Variants in FOXN3 observed in about 807,000 individuals in gnomAD.
FOXN3 encodes forkhead box N3.
A neutral mutation model predicts 38.4 loss-of-function variants in FOXN3; 7 were observed. The ratio of observed to expected loss-of-function variants is 0.18; its 90% CI spans 0.10 to 0.34. FOXN3 has a LOEUF of 0.34. FOXN3 is among the 10% of genes least tolerant of loss of function. The pLI is 1.00. For missense variants in FOXN3, 456 were observed against 613.4 expected (o/e 0.74, Z 2.71); for synonymous variants, 230 against 242.2 (o/e 0.95, Z 0.47).
intron 4 of FOXN3, among the ~76,000 whole-genome samples, chr14:89,192,765 ATAT>A (rs1487699472): frequency 6.8e-5 from 10 of 146,792 alleles, no homozygotes; most frequent in Non-Finnish European, 1.2e-4. Flanking sequence ...AATAGTTTAT[ATAT>A]TATTAGTTGA....
chr14:89,325,317 CACCACCACCACCACCA>C (rs1888037370), intron 3 of FOXN3, among the ~76,000 whole-genome samples: 1 of 66,332 alleles, frequency 1.5e-5, no homozygotes, highest in African/African-American at 6.2e-5. Context: ...CCACCACGAC[CACCACCACCACCACCA>C]CCACCACCAC....
chr14:89,269,176 G>T (rs766701397), intron 4 of FOXN3, among the ~76,000 whole-genome samples: 1 of 152,178 alleles, frequency 6.6e-6, no homozygotes, highest in Non-Finnish European at 1.5e-5. Context: ...CTGCAACTGT[G>T]TCAAATTAGC....
At chr14:89,597,729 C>T (rs1469341100) in intron 1 of FOXN3, among the ~76,000 whole-genome samples, 4 of 152,068 alleles carry the variant, frequency 2.6e-5, no homozygotes, top group South Asian at 2.1e-4. Flanking sequence ...TACAGTTATG[C>T]GATCTTTCTT....
At chr14:89,374,569 T>C (rs774959172) in intron 2 of FOXN3, among the ~76,000 whole-genome samples, 3 of 152,168 alleles carry the variant, frequency 2.0e-5, no homozygotes, top group Non-Finnish European at 2.9e-5. Flanking sequence ...GGTATGTTCA[T>C]AAAATGGAAT....
At chr14:89,467,465 T>C (rs566630668) in intron 1 of FOXN3, among the ~76,000 whole-genome samples, 1 of 151,580 alleles carries the variant, frequency 6.6e-6, no homozygotes, top group South Asian at 2.1e-4. Context: ...TGCCGAAAAA[T>C]TAAAAGAAAA....
intron 1 of FOXN3, among the ~76,000 whole-genome samples, chr14:89,589,658 T>C (rs1159155959): frequency 1.5e-5 from 2 of 136,648 alleles, no homozygotes; most frequent in African/African-American, 5.5e-5. Flanking sequence ...AGTTGGATGC[T>C]TTCTACCCTG....
At chr14:89,496,801 C>CA (rs1336178263) in intron 1 of FOXN3, among the ~76,000 whole-genome samples, 1 of 152,190 alleles carries the variant, frequency 6.6e-6, no homozygotes, top group East Asian at 1.9e-4. Context: ...CCCCCGACCC[C>CA]AGCCCTTGGT....
chr14:89,285,659 A>G (rs373661345), intron 3 of FOXN3, among the ~76,000 whole-genome samples: 4 of 152,192 alleles, frequency 2.6e-5, no homozygotes, highest in African/African-American at 9.6e-5. Flanking sequence ...GAGTAGACAA[A>G]TTCACAGAGA....
intron 1 of FOXN3, among the ~76,000 whole-genome samples, chr14:89,496,361 A>C (rs1297047013): frequency 3.1e-5 from 3 of 97,112 alleles, no homozygotes; most frequent in Non-Finnish European, 6.5e-5. Flanking sequence ...TTCTTCTCCC[A>C]AGGCTTTAGG....
intron 4 of FOXN3, among the ~76,000 whole-genome samples, chr14:89,253,655 TA>T (rs1382395659): frequency 1.3e-5 from 2 of 152,060 alleles, no homozygotes; most frequent in African/African-American, 4.8e-5. Flanking sequence ...AATCCTGTTT[TA>T]AAAAAACAGA....
At chr14:89,536,181 A>G (rs1894681985) in intron 1 of FOXN3, among the ~76,000 whole-genome samples, 1 of 152,196 alleles carries the variant, frequency 6.6e-6, no homozygotes, top group Non-Finnish European at 1.5e-5. Context: ...TGTGGTGGCT[A>G]TGGACATGGG....
At chr14:89,339,691 T>G (rs1888561493) in intron 3 of FOXN3, among the ~76,000 whole-genome samples, 2 of 152,220 alleles carry the variant, frequency 1.3e-5, no homozygotes, top group African/African-American at 4.8e-5. Flanking sequence ...TGGGATCTTT[T>G]TCATTTCTCT....
At chr14:89,218,905 C>T (rs1048499385) in intron 4 of FOXN3, among the ~76,000 whole-genome samples, 4 of 152,208 alleles carry the variant, frequency 2.6e-5, no homozygotes, top group African/African-American at 2.4e-5. Context: ...TGTTTCTATA[C>T]ACAAACTCTA....
At chr14:89,543,857 T>C (rs1215929244) in intron 1 of FOXN3, among the ~76,000 whole-genome samples, 2 of 152,242 alleles carry the variant, frequency 1.3e-5, no homozygotes, top group South Asian at 2.1e-4. Context: ...TTCTGCATTC[T>C]AGTATACAAC....
intron 5 of FOXN3, among the ~76,000 whole-genome samples, chr14:89,172,680 G>A (rs573842824): frequency 4.6e-5 from 7 of 152,222 alleles, no homozygotes; most frequent in Admixed American, 1.3e-4. Context: ...ATAGGACCAA[G>A]AGTCCCCAAA....
intron 1 of FOXN3, among the ~76,000 whole-genome samples, chr14:89,450,828 G>A (rs1248506903): frequency 1.3e-5 from 2 of 152,062 alleles, no homozygotes; most frequent in African/African-American, 2.4e-5. Context: ...CTGGTGATCC[G>A]CCCACCTCGG....
At chr14:89,409,184 A>C (rs573999164) in intron 2 of FOXN3, 1 of 152,256 alleles carries the variant, frequency 6.6e-6, no homozygotes, top group Non-Finnish European at 1.5e-5. Flanking sequence ...GATCAGAAAC[A>C]TGTCAACACA....
At chr14:89,174,125 C>T (rs1258577770) in intron 5 of FOXN3, among the ~76,000 whole-genome samples, 1 of 152,198 alleles carries the variant, frequency 6.6e-6, no homozygotes, top group Non-Finnish European at 1.5e-5. Flanking sequence ...AAATACTTCT[C>T]ACCAGGTATC....
intron 5 of FOXN3, among the ~76,000 whole-genome samples, chr14:89,171,860 C>T (rs746134581): frequency 1.3e-5 from 2 of 151,922 alleles, no homozygotes; most frequent in Non-Finnish European, 2.9e-5. Context: ...AACTTCTATT[C>T]AGAGGTCCTG....
Sources: allele counts gnomAD v4.1 joint callset (sites outside exome capture counted in the v4.1 genomes callset), GRCh38; gene constraint gnomAD v4.1.1; transcripts MANE v1.5; gene names NCBI Gene and HGNC (gene_info 2026-07-23, HGNC 2026-07-21).